SNTG2: variants seen among roughly 807,000 people sequenced by gnomAD.
The protein encoded by SNTG2 is gamma-2-syntrophin.
Under a neutral mutation model 70.9 loss-of-function variants are expected in SNTG2, and 74 were observed. That is an observed-to-expected ratio of 1.04 (90% CI 0.86 to 1.27). The LOEUF (loss-of-function observed/expected upper bound fraction) is 1.27. Among genes scored for constraint, SNTG2 ranks in the 50% most tolerant of loss-of-function variants. The pLI, the probability that SNTG2 is intolerant of heterozygous loss-of-function variation, is 0.00. For synonymous variants in SNTG2, 278 were observed against 273.8 expected (o/e 1.02, Z -0.15); for missense variants, 717 against 690.7 (o/e 1.04, Z -0.43).
In SNTG2 at chr2:1,058,488, A is replaced by G. The variant is rs181517838; in HGVS notation, c.73-25030A>G. Among the ~76,000 whole-genome samples, 25 of 152,346 alleles carry G rather than the reference A, an allele frequency of 1.6e-4. No homozygotes were observed. In the East Asian group the frequency reaches 3.7e-3, roughly 22 times the overall value. On this transcript the variant is annotated intron_variant, in intron 1 of 16. Transcript: ENST00000308624. Reference sequence around the variant, plus strand: ...TTGGCAGTATTTTAATTTGCTCTGTATTGGATTATGGACAAATAGATTGCT... The same window carrying G: ...TTGGCAGTATTTTAATTTGCTCTGTGTTGGATTATGGACAAATAGATTGCT...
intron 16 of SNTG2, among the ~76,000 whole-genome samples, chr2:1,324,716 A>G (rs1681691387): frequency 6.6e-6 from 1 of 152,224 alleles, no homozygotes. Flanking sequence ...TATTTTTAAA[A>G]TAAGTTTTAG....
intron 14 of SNTG2, among the ~76,000 whole-genome samples, chr2:1,298,120 T>C (rs1372657459): frequency 6.6e-6 from 1 of 152,150 alleles, no homozygotes; most frequent in Non-Finnish European, 1.5e-5. Flanking sequence ...ATACATTTCA[T>C]TCATTTATTT....
chr2:964,625 A>G lies in SNTG2; in HGVS notation c.72+13557A>G, dbSNP rs375913144. Among the ~76,000 whole-genome samples, 18 of 152,316 alleles carry G rather than the reference A, an allele frequency of 1.2e-4. No homozygotes were observed. In the South Asian group the frequency reaches 1.7e-3, roughly 14 times the overall value. ...TGATCCTACAAGGAGTTCTGAAGAC[A>G]GGACAAGCCTTTGAAAGCCTCCCCT... is the stretch of plus-strand genomic sequence containing the variant. On this transcript the variant is annotated intron_variant, in intron 1 of 16. Transcript: ENST00000308624.
At chr2:1,227,537 G>A (rs1300347694) in intron 9 of SNTG2, among the ~76,000 whole-genome samples, 2 of 152,202 alleles carry the variant, frequency 1.3e-5, no homozygotes, top group East Asian at 1.9e-4. Context: ...GAGCTCGTCC[G>A]CTCCGCCACG....
intron 8 of SNTG2, among the ~76,000 whole-genome samples, chr2:1,203,858 G>A (rs1470001749): frequency 6.6e-6 from 1 of 151,856 alleles, no homozygotes; most frequent in African/African-American, 2.4e-5. Context: ...TGCAAGCTTC[G>A]TACAACATTC....
Position 1,357,785 on chromosome 2 carries a change from G to T in SNTG2, c.1489-9558G>T, listed in dbSNP as rs1476142494. On this transcript the variant is annotated intron_variant, in intron 16 of 16. Transcript: ENST00000308624. ...AATTTATCCAATTTTTTTCTAGGTGGTCTAATTTGTTGGTATATAATTGTT... is the reference window on the plus strand; with the variant it reads ...AATTTATCCAATTTTTTTCTAGGTGTTCTAATTTGTTGGTATATAATTGTT... Among the ~76,000 whole-genome samples, 4 of 151,116 alleles carry T rather than the reference G, an allele frequency of 2.6e-5. No homozygotes were observed. The South Asian group carries it at 8.5e-4, about 32-fold the overall frequency.
intron 14 of SNTG2, among the ~76,000 whole-genome samples, chr2:1,289,015 A>G (rs1679882598): frequency 6.6e-6 from 1 of 151,930 alleles, no homozygotes; most frequent in African/African-American, 2.4e-5. Flanking sequence ...CTCCTTAATT[A>G]GCCTCTATTC....
chr2:977,522 G>A (rs1660947454), intron 1 of SNTG2, among the ~76,000 whole-genome samples: 1 of 152,224 alleles, frequency 6.6e-6, no homozygotes. Context: ...CTGTTTTAAG[G>A]CACCGTATCC....
intron 15 of SNTG2, 38 bp from the exon 16 acceptor site, chr2:1,316,227 T>C: frequency 9.8e-7 from 1 of 1,023,492 alleles, no homozygotes; most frequent in Non-Finnish European, 1.5e-6. Flanking sequence ...AAATGAGCTC[T>C]TGTTTAGAAA....
intron 13 of SNTG2, among the ~76,000 whole-genome samples, chr2:1,266,751 C>CTTTTTTT (rs59679083): frequency 0.19 from 20,187 of 107,342 alleles, 3,397 homozygotes; most frequent in African/African-American, 0.32. Flanking sequence ...TCATCTTTAT[C>CTTTTTTT]TTTTTTTTTT....
chr2:1,278,966 A>C (rs796887094), intron 14 of SNTG2, among the ~76,000 whole-genome samples: 44 of 61,328 alleles, frequency 7.2e-4, no homozygotes, highest in Non-Finnish European at 1.2e-3. Context: ...GTCAGTGCAT[A>C]ACACCCTGTC....
chr2:1,325,735 A>T (rs1037412218), intron 16 of SNTG2, among the ~76,000 whole-genome samples: 4 of 152,256 alleles, frequency 2.6e-5, no homozygotes, highest in African/African-American at 9.6e-5. Context: ...CAGAATAGCC[A>T]TGGTTAAAGA....
intron 12 of SNTG2, among the ~76,000 whole-genome samples, chr2:1,249,535 C>G (rs982061299): frequency 3.0e-4 from 46 of 152,310 alleles, no homozygotes; most frequent in African/African-American, 1.1e-3. Flanking sequence ...TCTTCTTCCC[C>G]GGTGGGAACC....
chr2:1,169,079 G>A (rs559019938), intron 7 of SNTG2, among the ~76,000 whole-genome samples: 8 of 152,252 alleles, frequency 5.3e-5, no homozygotes, highest in East Asian at 1.9e-4. Context: ...CAGTGAGCTC[G>A]GATGGGGGAG....
chr2:1,113,781 T>C (rs1666703666), intron 4 of SNTG2, among the ~76,000 whole-genome samples: 1 of 151,798 alleles, frequency 6.6e-6, no homozygotes, highest in Non-Finnish European at 1.5e-5. Context: ...ACACTTACAG[T>C]CCTGTGAGGA....
intron 16 of SNTG2, among the ~76,000 whole-genome samples, chr2:1,331,393 CCTT>C (rs2148284321): frequency 6.6e-6 from 1 of 152,304 alleles, no homozygotes; most frequent in South Asian, 2.1e-4. Flanking sequence ...GTGAAGCAGA[CCTT>C]CTGCTGCGAG....
At position 1,137,796 on chromosome 2, in the gene SNTG2, C is replaced by G; in HGVS notation, c.398C>G (p.Thr133Ser). 1 of 1,612,828 alleles carries G rather than the reference C, an allele frequency of 6.2e-7. No individual in the cohort carries two copies. The highest frequency in any genetic ancestry group is 1.1e-5 in the South Asian group (1 of 91,050). ...QVNGIHVENA[T>S]HEEVVHLLRN... is the part of the protein sequence containing the mutation. ...AATGGCATACATGTAGAAAATGCAA[C>G]TCATGAAGAAGTGGTAAGTGAATTA... The change falls in exon 6 of 17, where the codon ACT (threonine) becomes AGT (serine). Residue 133 changes from threonine to serine, a missense_variant. Transcript: ENST00000308624.
At chr2:981,957 C>G (rs1252438303) in intron 1 of SNTG2, among the ~76,000 whole-genome samples, 1 of 152,192 alleles carries the variant, frequency 6.6e-6, no homozygotes, top group East Asian at 1.9e-4. Flanking sequence ...CATGTCCACA[C>G]AGATGTACAC....
At chr2:1,152,597 CATGTGTGT>C (rs1669585776) in intron 6 of SNTG2, among the ~76,000 whole-genome samples, 1 of 127,586 alleles carries the variant, frequency 7.8e-6, no homozygotes, top group African/African-American at 3.8e-5. Context: ...TGCACATGTG[CATGTGTGT>C]ATGTGTGCAC....
Sources: allele counts gnomAD v4.1 joint callset (sites outside exome capture counted in the v4.1 genomes callset), GRCh38; gene constraint gnomAD v4.1.1; transcripts MANE v1.5; gene names NCBI Gene and HGNC (gene_info 2026-07-23, HGNC 2026-07-21).